MED13L: variants seen among roughly 807,000 people sequenced by gnomAD.
The protein encoded by MED13L is mediator of RNA polymerase II transcription subunit 13-like.
MED13L carries 7 observed loss-of-function variants against 220.9 expected under a neutral mutation model. The observed-to-expected ratio is 0.03, with a 90% CI of 0.02 to 0.06. The LOEUF (loss-of-function observed/expected upper bound fraction) is 0.06. Among genes scored for constraint, MED13L ranks in the 10% least tolerant of loss-of-function variants. The pLI is 1.00. For synonymous variants in MED13L, 1,011 were observed against 1,015.2 expected (o/e 1.00, Z 0.08); for missense variants, 1,965 against 2,760.5 (o/e 0.71, Z 6.46).
Position 116,213,717 on chromosome 12 carries a change from G to A in MED13L, c.310+23751C>T, listed in dbSNP as rs567849887. On this transcript the variant is annotated intron_variant, in intron 2 of 30. Transcript: ENST00000281928. Reference sequence around the variant, plus strand: ...CGTGAGCCACCGCATCCAGCAAAAGGTCTTTTTTATTTTTACCACTTTGTA... The same window carrying A: ...CGTGAGCCACCGCATCCAGCAAAAGATCTTTTTTATTTTTACCACTTTGTA... Among the ~76,000 whole-genome samples the A allele has an allele frequency of 8.5e-5, 13 of 152,162 alleles. No individual in the cohort carries two copies. In the South Asian group the frequency reaches 2.7e-3, roughly 32 times the overall value.
chr12:116,083,404 GAAAAAAAAAAAAA>G (rs61301423), intron 4 of MED13L, among the ~76,000 whole-genome samples: 2 of 79,378 alleles, frequency 2.5e-5, no homozygotes, highest in South Asian at 5.4e-4. Context: ...TGTCTCGAGG[GAAAAAAAAAAAAA>G]AAAAAAAAAA....
intron 28 of MED13L, among the ~76,000 whole-genome samples, chr12:115,968,283 C>G (rs549744965): frequency 6.6e-4 from 100 of 152,314 alleles, no homozygotes; most frequent in African/African-American, 2.2e-3. Context: ...GCAGAACCCT[C>G]TAACTCTTAA....
chr12:116,120,477 T>TCTCACA (rs1257256737), intron 2 of MED13L, among the ~76,000 whole-genome samples: 96 of 79,446 alleles, frequency 1.2e-3, no homozygotes, highest in African/African-American at 1.6e-3. Flanking sequence ...TCTCTCTCTC[T>TCTCACA]CACACACACA....
chr12:116,060,496 T>C (rs562349438), intron 4 of MED13L, among the ~76,000 whole-genome samples: 17 of 150,630 alleles, frequency 1.1e-4, no homozygotes, highest in Non-Finnish European at 2.4e-4. Flanking sequence ...GAATATTGCT[T>C]GAACCCAGGA....
At chr12:116,185,212 A>G (rs557241153) in intron 2 of MED13L, among the ~76,000 whole-genome samples, 1 of 152,328 alleles carries the variant, frequency 6.6e-6, no homozygotes, top group East Asian at 1.9e-4. Flanking sequence ...ACTCACCTAC[A>G]AAGTGGTCAG....
chr12:116,079,953 G>A (rs1045776914), intron 4 of MED13L, among the ~76,000 whole-genome samples: 5 of 151,882 alleles, frequency 3.3e-5, no homozygotes, highest in African/African-American at 7.3e-5. Flanking sequence ...ACCATGGGCC[G>A]CATGTGGCCC....
chr12:116,190,214 T>TTG (rs1199188341), intron 2 of MED13L, among the ~76,000 whole-genome samples: 4 of 152,160 alleles, frequency 2.6e-5, no homozygotes, highest in African/African-American at 9.7e-5. Flanking sequence ...TTTCTCAAGT[T>TTG]TTACAGATAC....
chr12:115,991,647 T>C lies in MED13L; in HGVS notation c.3307A>G (p.Ile1103Val), dbSNP rs772450968. Reference sequence around the variant, plus strand: ...ACATAGAGGCTGTGGGCTTCGGGAATTGGCTGCATGGTGGCGGGCTCCACA... The same window carrying C: ...ACATAGAGGCTGTGGGCTTCGGGAACTGGCTGCATGGTGGCGGGCTCCACA... Reference protein sequence around the residue: ...NSVEPATMQPIPEAHSLYVTL... With the variant: ...NSVEPATMQPVPEAHSLYVTL... The change falls in exon 17 of 31, where the codon ATT (isoleucine) becomes GTT (valine). Residue 1103 changes from isoleucine to valine, a missense_variant. Coordinates refer to ENST00000281928, the MANE Select transcript of MED13L (RefSeq NM_015335.5). This position sits in a 1 kb window ranked among gnomAD's most constrained non-coding sequence, Gnocchi z 7.7. 12 of 1,613,870 alleles carry C rather than the reference T, an allele frequency of 7.4e-6. No homozygotes were observed. The highest frequency in any genetic ancestry group is 1.7e-5 in the Admixed American group (1 of 59,988).
At chr12:116,031,680 G>GAA (rs1193177666) in intron 4 of MED13L, among the ~76,000 whole-genome samples, 2 of 33,664 alleles carry the variant, frequency 5.9e-5, no homozygotes, top group Admixed American at 2.9e-4. Flanking sequence ...AAAGAAAAAA[G>GAA]AAAAGAAAAG....
intron 4 of MED13L, among the ~76,000 whole-genome samples, chr12:116,077,442 G>C (rs545591019): frequency 2.0e-5 from 3 of 152,292 alleles, no homozygotes; most frequent in African/African-American, 7.2e-5. Context: ...CAAGTATTTA[G>C]AGTGAATATA....
At chr12:115,987,836 C>T (rs1277597110) in intron 17 of MED13L, among the ~76,000 whole-genome samples, 4 of 152,172 alleles carry the variant, frequency 2.6e-5, no homozygotes, top group Non-Finnish European at 4.4e-5. Flanking sequence ...CCTCAAGGAC[C>T]GAAGTCCGCT....
chr12:115,971,930 T>C, intron 26 of MED13L, 148 bp downstream of exon 26: 1 of 931,456 alleles, frequency 1.1e-6, no homozygotes, highest in Non-Finnish European at 1.7e-6. Flanking sequence ...ATGGAAGGTA[T>C]CGAATGTTTT....
chr12:116,175,945 C>T (rs1209709028), intron 2 of MED13L, among the ~76,000 whole-genome samples: 4 of 151,992 alleles, frequency 2.6e-5, no homozygotes, highest in Non-Finnish European at 4.4e-5. Context: ...AACATAATAT[C>T]GAAAATATCA....
At chr12:116,120,471 T>TCACACACA (rs1253496644) in intron 2 of MED13L, among the ~76,000 whole-genome samples, 4 of 114,534 alleles carry the variant, frequency 3.5e-5, no homozygotes, top group African/African-American at 9.8e-5. Context: ...TCTCTCTCTC[T>TCACACACA]CTCTCTCACA....
chr12:116,118,531 G>A (rs1170536117), intron 2 of MED13L, among the ~76,000 whole-genome samples: 1 of 152,132 alleles, frequency 6.6e-6, no homozygotes, highest in African/African-American at 2.4e-5. Flanking sequence ...TTTAGGCTAT[G>A]AAATTAAGGA....
At chr12:116,109,903 C>T (rs941800117) in intron 3 of MED13L, among the ~76,000 whole-genome samples, 4 of 152,038 alleles carry the variant, frequency 2.6e-5, no homozygotes, top group East Asian at 1.9e-4. Context: ...AGAAATCTTC[C>T]GTCAGAAAAG....
At chr12:116,170,236 A>G (rs1001438858) in intron 2 of MED13L, among the ~76,000 whole-genome samples, 1 of 152,206 alleles carries the variant, frequency 6.6e-6, no homozygotes, top group African/African-American at 2.4e-5. Flanking sequence ...AAGATCTTTA[A>G]GTACTGAGAA....
chr12:115,997,937 A>G (rs754697603), intron 14 of MED13L, among the ~76,000 whole-genome samples: 4 of 152,228 alleles, frequency 2.6e-5, no homozygotes, highest in Non-Finnish European at 5.9e-5. Context: ...ATTACAAAAA[A>G]TAAAAATTGT....
chr12:116,249,143 C>G (rs1177345651), intron 1 of MED13L, among the ~76,000 whole-genome samples: 2 of 152,178 alleles, frequency 1.3e-5, no homozygotes, highest in Non-Finnish European at 2.9e-5. Flanking sequence ...AGCTATCACT[C>G]CAAGAGTTCA....
Sources: allele counts gnomAD v4.1 joint callset (sites outside exome capture counted in the v4.1 genomes callset), GRCh38; gene constraint gnomAD v4.1.1; non-coding constraint Gnocchi (gnomAD v3.1); transcripts MANE v1.5; gene names NCBI Gene and HGNC (gene_info 2026-07-23, HGNC 2026-07-21).